CFHR4: variants seen among roughly 807,000 people sequenced by gnomAD.
CFHR4 encodes the protein complement factor H-related protein 4.
A neutral mutation model predicts 69.3 loss-of-function variants in CFHR4; 64 were observed. That is an observed-to-expected ratio of 0.92 (90% confidence interval 0.76 to 1.14). The LOEUF is 1.14. Ranked by LOEUF, CFHR4 falls within the 50% of genes most tolerant of loss-of-function variation. The pLI, the probability that CFHR4 is intolerant of heterozygous loss-of-function variation, is 0.00. For missense variants in CFHR4, 636 were observed against 684.9 expected, an observed-to-expected ratio of 0.93 and a Z score of 0.80; for synonymous variants, 244 against 237.0, an observed-to-expected ratio of 1.03 and a Z score of -0.27.
At chr1:196,900,997 C>A (rs78720099) in intron 1 of CFHR4, among the ~76,000 whole-genome samples, 1 of 151,256 alleles carries the variant, frequency 6.6e-6, no homozygotes, top group African/African-American at 2.4e-5. Flanking sequence ...CTGTAGAAAC[C>A]GGTTGAAAAA....
At chr1:196,916,598 C>T (rs1413419047) in intron 9 of CFHR4, among the ~76,000 whole-genome samples, 3 of 151,796 alleles carry the variant, frequency 2.0e-5, no homozygotes, top group Admixed American at 1.3e-4. Flanking sequence ...ATGCAAGTGG[C>T]AAGACTGAAG....
At chr1:196,906,345 G>A (rs1477202590) in intron 3 of CFHR4, among the ~76,000 whole-genome samples, 2 of 151,358 alleles carry the variant, frequency 1.3e-5, no homozygotes, top group Admixed American at 1.3e-4. Flanking sequence ...AAAAGACAAA[G>A]CTGTACACTT....
intron 1 of CFHR4, among the ~76,000 whole-genome samples, chr1:196,890,073 AATTT>A (rs1276942688): frequency 6.6e-6 from 1 of 151,486 alleles, no homozygotes; most frequent in Non-Finnish European, 1.5e-5. Context: ...GATTTTACAC[AATTT>A]ATTAAAAGAA....
chr1:196,910,166 G>C lies in CFHR4; in HGVS notation c.800-115G>C, dbSNP rs866833472. 79 of 599,648 alleles carry C rather than the reference G, an allele frequency of 1.3e-4. 3 individuals carry two copies. The African/African-American group carries it at 1.4e-3, about 11-fold the overall frequency. 37.1% of individuals were successfully genotyped at this position (599,648 alleles called of 1,614,324 possible). On this transcript the variant is annotated intron_variant, in intron 5 of 9. Coordinates refer to ENST00000608469, the MANE Select transcript of CFHR4 (RefSeq NM_001201550.3). ...AATTTCATCTAAAAAAAAAAAAAAAGTAAAGAAAAAAAAAAACATTATTTG... is the reference window on the plus strand; with the variant it reads ...AATTTCATCTAAAAAAAAAAAAAAACTAAAGAAAAAAAAAAACATTATTTG...
At chr1:196,888,514 A>G (rs1656849246) in intron 1 of CFHR4, among the ~76,000 whole-genome samples, 1 of 151,362 alleles carries the variant, frequency 6.6e-6, no homozygotes, top group African/African-American at 2.4e-5. Flanking sequence ...ATGTCATTAG[A>G]TAGATTCTAA....
chr1:196,917,223 T>G (rs1658692360), intron 9 of CFHR4, among the ~76,000 whole-genome samples: 1 of 151,766 alleles, frequency 6.6e-6, no homozygotes, highest in Non-Finnish European at 1.5e-5. Flanking sequence ...TGCAGAATAC[T>G]TGAGTCAAAA....
intron 6 of CFHR4, among the ~76,000 whole-genome samples, 167 bp from the exon 7 acceptor site, chr1:196,912,573 G>A (rs2124969799): frequency 6.6e-6 from 1 of 151,190 alleles, no homozygotes; most frequent in Non-Finnish European, 1.5e-5. Context: ...AGAAATTCGT[G>A]GTTTCCTTTA....
rs975463674 is a variant in CFHR4 at position 196,915,143 on chromosome 1, G to T, written c.1540+5G>T. On this transcript the variant is annotated splice_donor_5th_base_variant and intron_variant, in intron 9 of 9. Transcript: ENST00000608469. Reference sequence around the variant, plus strand: ...CGGAACCACCAAGATGCATACGTAAGTTCTTAAAATTCTAGATCCTGAGAA... The same window carrying T: ...CGGAACCACCAAGATGCATACGTAATTTCTTAAAATTCTAGATCCTGAGAA... The T allele has an allele frequency of 6.2e-7, 1 of 1,605,660 alleles. No homozygotes were observed. Among genetic ancestry groups the T allele is most frequent in the Non-Finnish European group, 8.5e-7 (1 of 1,175,058 alleles).
rs1292754100 is a variant in CFHR4 at position 196,917,683 on chromosome 1, T to C, written c.1541-527T>C. On this transcript the variant is annotated intron_variant, in intron 9 of 9. Coordinates refer to ENST00000608469, the MANE Select transcript of CFHR4 (RefSeq NM_001201550.3). ...GTGTATGTATGTATGTATGTATGTA[T>C]GTATATATAGAGAGTTTTATTTTAA... Among the ~76,000 whole-genome samples the C allele has an allele frequency of 7.3e-5, 11 of 151,596 alleles. 1 individual carries two copies. Among genetic ancestry groups the C allele is most frequent in the Non-Finnish European group, 1.6e-4 (11 of 67,954 alleles).
chr1:196,889,920 A>G (rs1656927782), intron 1 of CFHR4, among the ~76,000 whole-genome samples: 1 of 151,478 alleles, frequency 6.6e-6, no homozygotes, highest in African/African-American at 2.4e-5. Context: ...ACAACCATTT[A>G]CAAGGCAAAG....
At chr1:196,905,951 T>C (rs1268873593) in intron 3 of CFHR4, among the ~76,000 whole-genome samples, 2 of 151,612 alleles carry the variant, frequency 1.3e-5, no homozygotes, top group Non-Finnish European at 2.9e-5. Flanking sequence ...AGAGATTGCA[T>C]AATGAACAAT....
intron 1 of CFHR4, among the ~76,000 whole-genome samples, chr1:196,888,908 T>C (rs79354499): frequency 0.031 from 4,695 of 151,490 alleles, 339 homozygotes; most frequent in African/African-American, 0.11. Flanking sequence ...TGTTCTCTGA[T>C]ATGTTTTCTC....
Position 196,906,880 on chromosome 1 carries a change from T to A in CFHR4, c.459T>A (p.Val153=). ...TTTCAGAATTTTGTGATATGCCTGT[T>A]TTTGAGAATTCCAGAGCCAAGAGTA... ...PICIKFCDMP[V]FENSRAKSNG... Residue 153 remains valine, a synonymous_variant, in exon 4 of 10, where the codon GTT becomes GTA. Transcript: ENST00000608469. The A allele has an allele frequency of 6.2e-7, 1 of 1,603,278 alleles. No individual in the cohort carries two copies. Among genetic ancestry groups the A allele is most frequent in the South Asian group, 1.1e-5 (1 of 88,580 alleles).
intron 2 of CFHR4, among the ~76,000 whole-genome samples, chr1:196,904,867 A>G (rs1314554303): frequency 6.6e-6 from 1 of 151,536 alleles, no homozygotes; most frequent in Non-Finnish European, 1.5e-5. Context: ...TGCATTCCTC[A>G]AGGCCTGCCA....
At chr1:196,917,640 T>A (rs4915559) in intron 9 of CFHR4, among the ~76,000 whole-genome samples, 1 of 150,846 alleles carries the variant, frequency 6.6e-6, no homozygotes, top group Non-Finnish European at 1.5e-5. Context: ...GAGAGAGAGA[T>A]AATTGACAGA....
chr1:196,902,349 A>G, intron 1 of CFHR4, 69 bp from the exon 2 acceptor site: 1 of 1,108,242 alleles, frequency 9.0e-7, no homozygotes, highest in East Asian at 2.5e-5. Flanking sequence ...TTATTGATCA[A>G]AAATGTCATA....
intron 7 of CFHR4, among the ~76,000 whole-genome samples, chr1:196,913,387 C>A (rs2124971583): frequency 6.6e-6 from 1 of 151,434 alleles, no homozygotes; most frequent in African/African-American, 2.4e-5. Flanking sequence ...TAATTTGTAT[C>A]AATGATGCTA....
chr1:196,896,977 G>C (rs955322485), intron 1 of CFHR4, among the ~76,000 whole-genome samples: 24 of 151,518 alleles, frequency 1.6e-4, no homozygotes, highest in African/African-American at 5.8e-4. Context: ...TAAATACGCT[G>C]TGTTGGTTTG....
intron 1 of CFHR4, among the ~76,000 whole-genome samples, chr1:196,897,042 T>C (rs777885985): frequency 1.3e-5 from 2 of 151,396 alleles, no homozygotes; most frequent in South Asian, 2.1e-4. Context: ...GCTCCCTCCA[T>C]TGAGTCGTTC....
Sources: gnomAD v4.1 joint callset for allele counts (sites outside exome capture counted in the v4.1 genomes callset) on GRCh38, gnomAD v4.1.1 for gene constraint, MANE v1.5 for transcripts, NCBI Gene and HGNC (gene_info 2026-07-23, HGNC 2026-07-21) for gene names.